SEMA3A: variants seen among roughly 807,000 people sequenced by gnomAD.
SEMA3A encodes semaphorin-3A.
SEMA3A carries 29 observed loss-of-function variants against 97.9 expected under a neutral mutation model. That is an observed-to-expected ratio of 0.30 (90% CI 0.22 to 0.40). The LOEUF is 0.40. Among genes scored for constraint, SEMA3A ranks in the 10% least tolerant of loss-of-function variants. The pLI is 1.00. For missense variants in SEMA3A, 763 were observed against 951.3 expected (o/e 0.80, Z 2.60); for synonymous variants, 321 against 323.7 (o/e 0.99, Z 0.09).
chr7:84,220,393 G>A (rs1449630271), intron 3 of SEMA3A, among the ~76,000 whole-genome samples: 2 of 152,082 alleles, frequency 1.3e-5, no homozygotes, highest in African/African-American at 4.8e-5. Context: ...CCAAACTTGT[G>A]TTAATGTGGA....
intron 1 of SEMA3A, among the ~76,000 whole-genome samples, chr7:84,190,433 T>A (rs564199575): frequency 6.6e-6 from 1 of 151,632 alleles, no homozygotes; most frequent in African/African-American, 2.4e-5. Flanking sequence ...TCATCCAAAG[T>A]CCTGGTGACA....
intron 4 of SEMA3A, among the ~76,000 whole-genome samples, chr7:84,088,321 G>A (rs1794446415): frequency 1.3e-5 from 2 of 152,160 alleles, no homozygotes; most frequent in East Asian, 3.9e-4. Flanking sequence ...GGGCATGGTG[G>A]CGGGTGCCTG....
chr7:84,050,374 T>C (rs1441706814), intron 5 of SEMA3A, among the ~76,000 whole-genome samples: 1 of 152,112 alleles, frequency 6.6e-6, no homozygotes, highest in East Asian at 1.9e-4. Context: ...GCACCTGTTG[T>C]TTCCTGACTT....
At chr7:83,965,654 ATATATATATATATTTTTTTTTTTTTTT>A (rs1788655808) in intron 15 of SEMA3A, among the ~76,000 whole-genome samples, 1 of 11,320 alleles carries the variant, frequency 8.8e-5, no homozygotes, top group East Asian at 4.7e-3. Flanking sequence ...ATATATATAT[ATATATATATATATTTTTTTTTTTTTTT>A]TTTTTTTTTT....
At chr7:84,415,412 A>C (rs1804406102) in intron 1 of SEMA3A, among the ~76,000 whole-genome samples, 2 of 152,132 alleles carry the variant, frequency 1.3e-5, no homozygotes, top group Admixed American at 6.6e-5. Flanking sequence ...ATCAAAGTTA[A>C]AGTTCTTGTG....
intron 1 of SEMA3A, among the ~76,000 whole-genome samples, chr7:84,179,166 C>T (rs984390702): frequency 6.6e-6 from 1 of 152,068 alleles, no homozygotes; most frequent in Admixed American, 6.6e-5. Context: ...CAGAACATAT[C>T]GTACTTACCT....
intron 3 of SEMA3A, among the ~76,000 whole-genome samples, chr7:84,286,344 G>A (rs1416303808): frequency 6.6e-6 from 1 of 152,150 alleles, no homozygotes; most frequent in Non-Finnish European, 1.5e-5. Context: ...GAGTAATGTC[G>A]ATAAAGGAAG....
At position 84,329,482 on chromosome 7, in the gene SEMA3A, T is replaced by G. The variant is rs1801860066; in HGVS notation, c.-168-22190A>C. Among the ~76,000 whole-genome samples, 4 of 152,170 alleles carry G rather than the reference T, an allele frequency of 2.6e-5. No homozygotes were observed. In the Middle Eastern group the frequency reaches 0.014, roughly 518 times the overall value. ...GTCCAAGACAATACTTCTCCCAATG[T>G]GGCCCACGGGAGCCAAAAGGCTGGA... On this transcript the variant is annotated intron_variant, in intron 2 of 3. Transcript: ENST00000424555.
At chr7:84,018,106 G>C (rs59403097) in intron 6 of SEMA3A, among the ~76,000 whole-genome samples, 46,584 of 151,864 alleles carry the variant, frequency 0.31, 8,068 homozygotes, top group East Asian at 0.61. Context: ...CCTGCTCTTC[G>C]TCAAATCGAC....
At chr7:84,300,731 G>C (rs1013616444) in intron 3 of SEMA3A, among the ~76,000 whole-genome samples, 2 of 151,952 alleles carry the variant, frequency 1.3e-5, no homozygotes, top group Admixed American at 1.3e-4. Context: ...TGAAGGAAGA[G>C]AAGGAACATT....
In SEMA3A at chr7:83,957,399, T is replaced by C. The variant is rs1788313173; in HGVS notation, c.*3972A>G. 6.6e-6 allele frequency: 1 copy of C among 152,126 alleles called. No individual in the cohort carries two copies. The highest frequency in any genetic ancestry group is 2.1e-4 in the South Asian group (1 of 4,830). 9.4% of individuals were successfully genotyped at this position (152,126 alleles called of 1,614,324 possible). ...TCTATCAGTGGAATTTACTTGAACG[T>C]GTAGGAAGCTGGTTCTAAAAGGCAA... On this transcript the variant is annotated 3_prime_UTR_variant, in exon 17 of 17. Coordinates refer to ENST00000265362, the MANE Select transcript of SEMA3A (RefSeq NM_006080.3).
intron 6 of SEMA3A, among the ~76,000 whole-genome samples, chr7:84,027,461 C>G (rs1403464895): frequency 6.6e-6 from 1 of 152,162 alleles, no homozygotes; most frequent in Non-Finnish European, 1.5e-5. Flanking sequence ...GAGTTACCAG[C>G]CAACCAGCAC....
At chr7:84,360,769 C>T (rs1802697896) in intron 2 of SEMA3A, among the ~76,000 whole-genome samples, 1 of 151,868 alleles carries the variant, frequency 6.6e-6, no homozygotes, top group Admixed American at 6.6e-5. Flanking sequence ...CTACTAACAG[C>T]AATTGTTTAA....
At chr7:84,492,194 C>T (rs368972638) in intron 1 of SEMA3A, among the ~76,000 whole-genome samples, 4 of 152,000 alleles carry the variant, frequency 2.6e-5, no homozygotes, top group Non-Finnish European at 5.9e-5. Flanking sequence ...GCAGTTAATA[C>T]GGCAAAATAC....
upstream of SEMA3A, among the ~76,000 whole-genome samples, chr7:84,196,363 CT>C (rs1269472988): frequency 6.6e-6 from 1 of 152,024 alleles, no homozygotes; most frequent in Non-Finnish European, 1.5e-5. Flanking sequence ...TTCTCTCTCT[CT>C]CTCTCTCTCT....
chr7:84,069,170 A>G (rs1051127329), intron 4 of SEMA3A, among the ~76,000 whole-genome samples: 12 of 152,086 alleles, frequency 7.9e-5, no homozygotes, highest in Non-Finnish European at 1.5e-4. Flanking sequence ...TGTAAAATTC[A>G]TGCCCATTAC....
At chr7:84,200,168 A>G (rs1169431555) in intron 3 of SEMA3A, among the ~76,000 whole-genome samples, 1 of 152,020 alleles carries the variant, frequency 6.6e-6, no homozygotes, top group African/African-American at 2.4e-5. Flanking sequence ...GAAAAAAAAA[A>G]AGTTTTGTGT....
chr7:84,127,563 A>C (rs1278530242), intron 3 of SEMA3A, among the ~76,000 whole-genome samples: 2 of 152,178 alleles, frequency 1.3e-5, no homozygotes, highest in Admixed American at 1.3e-4. Flanking sequence ...TAACATAATA[A>C]CTATATGTTT....
chr7:84,119,813 A>T (rs1795548171), intron 3 of SEMA3A, among the ~76,000 whole-genome samples: 3 of 152,116 alleles, frequency 2.0e-5, no homozygotes, highest in African/African-American at 7.2e-5. Context: ...ATATTGGCCA[A>T]AATCTTTTTT....
Sources: allele counts gnomAD v4.1 joint callset (sites outside exome capture counted in the v4.1 genomes callset), GRCh38; gene constraint gnomAD v4.1.1; transcripts MANE v1.5; gene names NCBI Gene and HGNC (gene_info 2026-07-23, HGNC 2026-07-21).